The following NKAIN3 variants were observed in gnomAD, a reference collection of about 807,000 sequenced individuals.
The protein encoded by NKAIN3 is sodium/potassium-transporting ATPase subunit beta-1-interacting protein 3.
Under a neutral mutation model 30.2 loss-of-function variants are expected in NKAIN3, and 25 were observed. The observed-to-expected ratio is 0.83, with a 90% CI of 0.60 to 1.16. The LOEUF (loss-of-function observed/expected upper bound fraction) is 1.16. NKAIN3 is among the 50% of genes most tolerant of loss of function. The pLI, the probability that NKAIN3 is intolerant of heterozygous loss-of-function variation, is 0.00. For missense variants in NKAIN3, 225 were observed against 254.1 expected (o/e 0.89, Z 0.78); for synonymous variants, 91 against 89.6 (o/e 1.02, Z -0.09).
chr8:62,836,221 C>A (rs1489992079), intron 4 of NKAIN3, among the ~76,000 whole-genome samples: 2 of 152,014 alleles, frequency 1.3e-5, no homozygotes, highest in Non-Finnish European at 2.9e-5. Flanking sequence ...CTATTTATTG[C>A]TCTCCTCACT....
chr8:62,264,811 C>T (rs982953418), intron 1 of NKAIN3, among the ~76,000 whole-genome samples: 5 of 152,126 alleles, frequency 3.3e-5, no homozygotes, highest in African/African-American at 9.7e-5. Flanking sequence ...TACAACATCA[C>T]GGTGCATGTG....
intron 4 of NKAIN3, chr8:62,856,341 A>T: frequency 1.1e-6 from 1 of 909,822 alleles, no homozygotes; most frequent in East Asian, 2.4e-5. Context: ...TAACCTGCTT[A>T]GTGCTTGCTT....
At chr8:62,356,437 T>G (rs972361764) in intron 1 of NKAIN3, among the ~76,000 whole-genome samples, 11 of 152,154 alleles carry the variant, frequency 7.2e-5, no homozygotes, top group Admixed American at 7.2e-4. Flanking sequence ...TTTATGATGT[T>G]CCTCCCCTGT....
chr8:62,734,526 TAAGTC>T (rs2130552201), intron 3 of NKAIN3, among the ~76,000 whole-genome samples: 1 of 152,328 alleles, frequency 6.6e-6, no homozygotes, highest in African/African-American at 2.4e-5. Flanking sequence ...TTTCCCCTGA[TAAGTC>T]AGGAAGAATG....
chr8:62,891,638 C>A (rs1289670816), intron 4 of NKAIN3, among the ~76,000 whole-genome samples: 1 of 152,162 alleles, frequency 6.6e-6, no homozygotes, highest in African/African-American at 2.4e-5. Flanking sequence ...TCACTATTAA[C>A]TATTAAAATG....
intron 3 of NKAIN3, among the ~76,000 whole-genome samples, chr8:62,622,127 C>T (rs1011567780): frequency 6.6e-6 from 1 of 151,992 alleles, no homozygotes; most frequent in African/African-American, 2.4e-5. Context: ...CAGTAGATCA[C>T]TCCTTTTTAT....
intron 1 of NKAIN3, among the ~76,000 whole-genome samples, chr8:62,300,238 A>G (rs1011024457): frequency 2.6e-5 from 4 of 152,100 alleles, no homozygotes; most frequent in South Asian, 2.1e-4. Flanking sequence ...TATGTTCACA[A>G]TCATCTGAAA....
intron 4 of NKAIN3, among the ~76,000 whole-genome samples, chr8:62,912,719 G>C (rs1002568803): frequency 6.6e-6 from 1 of 152,072 alleles, no homozygotes; most frequent in East Asian, 1.9e-4. Flanking sequence ...AGATCAGCCT[G>C]ACCAACATAG....
At chr8:62,788,892 A>G (rs564342746) in intron 4 of NKAIN3, among the ~76,000 whole-genome samples, 1 of 152,174 alleles carries the variant, frequency 6.6e-6, no homozygotes, top group African/African-American at 2.4e-5. Context: ...CCATTGGTCT[A>G]TATCTGTTTT....
intron 1 of NKAIN3, among the ~76,000 whole-genome samples, chr8:62,344,645 G>C (rs947244954): frequency 3.3e-5 from 5 of 151,976 alleles, no homozygotes; most frequent in Admixed American, 6.6e-5. Context: ...CAGTGGGAAG[G>C]GTGAACTGTG....
chr8:62,463,067 A>T (rs1174211562), intron 1 of NKAIN3, among the ~76,000 whole-genome samples: 1 of 152,172 alleles, frequency 6.6e-6, no homozygotes, highest in African/African-American at 2.4e-5. Flanking sequence ...TTCTATCTTT[A>T]TGAACTTATT....
chr8:62,741,268 G>A (rs1485293440), intron 3 of NKAIN3, among the ~76,000 whole-genome samples: 1 of 151,926 alleles, frequency 6.6e-6, no homozygotes, highest in Non-Finnish European at 1.5e-5. Flanking sequence ...ATGCCATTCT[G>A]GCATATTGAT....
Position 62,380,756 on chromosome 8 carries a change from ATTAC to A in NKAIN3, c.54+131632_54+131635del, listed in dbSNP as rs548067167. Among the ~76,000 whole-genome samples the A allele has an allele frequency of 1.8e-3, 277 of 152,364 alleles. 1 individual carries two copies. Among genetic ancestry groups the A allele is most frequent in the Admixed American group, 5.9e-3 (90 of 15,296 alleles). ...AATAAAACAAAGGAAAAGCTCTCAA[ATTAC>A]TTTAAAATGTTATAAAAGCTTTGGT... On this transcript the variant is annotated intron_variant, in intron 1 of 6. Coordinates refer to ENST00000623646, the MANE Select transcript of NKAIN3 (RefSeq NM_001304533.3).
intron 1 of NKAIN3, among the ~76,000 whole-genome samples, chr8:62,450,419 C>T (rs1805606402): frequency 6.6e-6 from 1 of 152,106 alleles, no homozygotes; most frequent in Non-Finnish European, 1.5e-5. Context: ...AAAAATTCAA[C>T]AGGTGAATAG....
rs549881690 is a variant in NKAIN3, at chr8:62,314,127, G to A, written c.54+65000G>A. On this transcript the variant is annotated intron_variant, in intron 1 of 6. Coordinates refer to ENST00000623646, the MANE Select transcript of NKAIN3 (RefSeq NM_001304533.3). ...GTTTCTTCCCAGGCACTCAGAATAA[G>A]ATCATATGTTTAGGGAAAATTTTAA... is the stretch of plus-strand genomic sequence containing the variant. Among the ~76,000 whole-genome samples the A allele has an allele frequency of 1.1e-3, 165 of 152,170 alleles. No individual in the cohort carries two copies. In the South Asian group the frequency reaches 0.012, roughly 11 times the overall value.
chr8:62,621,663 A>G (rs1811621621), intron 3 of NKAIN3, among the ~76,000 whole-genome samples: 1 of 152,132 alleles, frequency 6.6e-6, no homozygotes, highest in Admixed American at 6.5e-5. Flanking sequence ...TGCATGAAAT[A>G]ATACAGAAGA....
At chr8:62,390,682 C>T (rs1207646800) in intron 1 of NKAIN3, among the ~76,000 whole-genome samples, 1 of 152,104 alleles carries the variant, frequency 6.6e-6, no homozygotes, top group African/African-American at 2.4e-5. Context: ...TCCTTTTTCT[C>T]CACAACCTCA....
intron 3 of NKAIN3, among the ~76,000 whole-genome samples, chr8:62,598,009 G>A (rs183031939): frequency 3.1e-3 from 468 of 152,106 alleles, no homozygotes; most frequent in African/African-American, 0.01. Flanking sequence ...AAGTTCCAAC[G>A]TCAAACTCCT....
intron 1 of NKAIN3, among the ~76,000 whole-genome samples, chr8:62,548,265 C>T (rs1048173984): frequency 4.6e-5 from 7 of 152,158 alleles, no homozygotes; most frequent in African/African-American, 1.7e-4. Flanking sequence ...AAAATATATT[C>T]AGTATTTTAA....
Sources: gnomAD v4.1 joint callset for allele counts (sites outside exome capture counted in the v4.1 genomes callset) on GRCh38, gnomAD v4.1.1 for gene constraint, MANE v1.5 for transcripts, NCBI Gene and HGNC (gene_info 2026-07-23, HGNC 2026-07-21) for gene names.